Variants in TFF3 observed in about 807,000 individuals in gnomAD.
TFF3 encodes trefoil factor 3.
TFF3 carries 6 observed loss-of-function variants against 9.7 expected under a neutral mutation model. The ratio of observed to expected loss-of-function variants is 0.62; its 90% CI spans 0.34 to 1.22. The LOEUF is 1.22. Among genes scored for constraint, TFF3 ranks in the 50% most tolerant of loss-of-function variants. TFF3 has a pLI of 0.04. For synonymous variants in TFF3, 48 were observed against 41.4 expected (o/e 1.16, Z -0.61); for missense variants, 93 against 98.6 (o/e 0.94, Z 0.24).
chr21:42,315,204 A>G, intron 1 of TFF3, 89 bp downstream of exon 1: 2 of 1,481,964 alleles, frequency 1.3e-6, no homozygotes, highest in East Asian at 2.4e-5. Flanking sequence ...ACAGGTGGCC[A>G]TTATTAAATG....
chr21:42,312,013 C>T lies in TFF3; in HGVS notation c.*243G>A. 4.4e-6 allele frequency: 3 copies of T among 684,528 alleles called. No individual in the cohort carries two copies. The highest frequency in any genetic ancestry group is 8.1e-6 in the Non-Finnish European group (3 of 371,000). The allele number at this position is 684,528 out of a possible 1,614,324, so 42.4% of individuals were successfully genotyped here. On this transcript the variant is annotated 3_prime_UTR_variant, in exon 3 of 3. Coordinates refer to ENST00000518498, the MANE Select transcript of TFF3 (RefSeq NM_003226.4). ...CTCCCCTGACACCCTCCCGCCCTCT[C>T]CCACGACGCAGCAGAAATAAAGCAC...
At position 42,313,559 on chromosome 21, in the gene TFF3, C is replaced by A; in HGVS notation, c.155G>T (p.Cys52Phe). ...CGYPHVTPKE[C>F]NNRGCCFDSR... ...GTCAAAGCAGCAGCCCCGGTTGTTG[C>A]ACTCCTTGGGGGTGACATGGGGGTA... is the stretch of plus-strand genomic sequence containing the variant. The change falls in exon 2 of 3, where the codon TGC (cysteine) becomes TTC (phenylalanine). Residue 52 changes from cysteine (C) to phenylalanine (F), a missense_variant. Transcript: ENST00000518498. This position sits in a 1 kb window ranked among gnomAD's most constrained non-coding sequence, Gnocchi z 4.0. 2 of 1,611,266 alleles carry A rather than the reference C, an allele frequency of 1.2e-6. No individual in the cohort carries two copies. Among genetic ancestry groups the A allele is most frequent in the Non-Finnish European group, 1.7e-6 (2 of 1,179,602 alleles).
At position 42,313,615 on chromosome 21, in the gene TFF3, G is replaced by A. The variant is rs370506748; in HGVS notation, c.99C>T (p.Ala33=). ...AGTCCACCCTGTCCTTGGCTGGCAC[G>A]GCACACTGGTTTGCAGCTGTCCCAG... ...EYVGLSANQC[A]VPAKDRVDCG... is the part of the protein sequence containing the mutation. The change falls in exon 2 of 3, where the codon GCC becomes GCT. Residue 33 remains alanine, a synonymous_variant. Transcript: ENST00000518498. The surrounding 1 kb of genome is among the most constrained non-coding windows in gnomAD (Gnocchi z 4.0). 218 of 1,610,020 alleles carry A rather than the reference G, an allele frequency of 1.4e-4. No individual in the cohort carries two copies. Among genetic ancestry groups the A allele is most frequent in the Admixed American group, 2.0e-4 (12 of 59,726 alleles).
Position 42,312,240 on chromosome 21 carries a change from G to A in TFF3, c.*16C>T. 1 of 1,613,430 alleles carries A rather than the reference G, an allele frequency of 6.2e-7. No individual in the cohort carries two copies. Among genetic ancestry groups the A allele is most frequent in the Non-Finnish European group, 8.5e-7 (1 of 1,179,704 alleles). On this transcript the variant is annotated 3_prime_UTR_variant, in exon 3 of 3. Transcript: ENST00000518498. ...CCGAGCCTCGCATCCCCCGGCCGGGGGCAGCTGGAGGTGCCTCAGAAGGTG... is the reference window on the plus strand; with the variant it reads ...CCGAGCCTCGCATCCCCCGGCCGGGAGCAGCTGGAGGTGCCTCAGAAGGTG...
chr21:42,314,635 C>T (rs186305614), intron 1 of TFF3, among the ~76,000 whole-genome samples: 2 of 152,300 alleles, frequency 1.3e-5, no homozygotes, highest in East Asian at 3.9e-4. Flanking sequence ...CAGTGAGTGA[C>T]AAAGCAAGGC....
chr21:42,312,372 C>T (rs977653560), intron 2 of TFF3, 103 bp from the exon 3 acceptor site: 3 of 1,391,954 alleles, frequency 2.2e-6, no homozygotes, highest in Admixed American at 2.3e-5. Context: ...AGTGCTGCCT[C>T]CTCCCCAGAG....
Position 42,313,181 on chromosome 21 carries a change from C to G in TFF3, c.229+304G>C, listed in dbSNP as rs868069001. 6.6e-6 allele frequency among the ~76,000 whole-genome samples: 1 copy of G among 152,214 alleles called. No individual in the cohort carries two copies. The highest frequency in any genetic ancestry group is 1.5e-5 in the Non-Finnish European group (1 of 68,044). The stretch of plus-strand genomic sequence containing the variant: ...CAAAAGTCGGCCCGGCTTTCCACAC[C>G]TATGCGTTTCCACTTCTCTCAAGAA... On this transcript the variant is annotated intron_variant, in intron 2 of 2. Coordinates refer to ENST00000518498, the MANE Select transcript of TFF3 (RefSeq NM_003226.4). The surrounding 1 kb of genome is among the most constrained non-coding windows in gnomAD (Gnocchi z 4.0).
intron 1 of TFF3, among the ~76,000 whole-genome samples, chr21:42,314,662 A>G (rs907999462): frequency 3.9e-5 from 6 of 152,232 alleles, no homozygotes; most frequent in Non-Finnish European, 8.8e-5. Context: ...AAAACAAAAC[A>G]GCTGAGGCCT....
Position 42,311,927 on chromosome 21 carries a change from T to C in TFF3, c.*329A>G, listed in dbSNP as rs1375736241. On this transcript the variant is annotated 3_prime_UTR_variant, in exon 3 of 3. Transcript: ENST00000518498. Reference sequence around the variant, plus strand: ...TGGGTGCCAGTCTGGATTCAAAATATCCTTGCATGCACTGCAGCTCCTTAG... The same window carrying C: ...TGGGTGCCAGTCTGGATTCAAAATACCCTTGCATGCACTGCAGCTCCTTAG... The C allele has an allele frequency of 3.7e-6, 2 of 543,152 alleles. No homozygotes were observed. Among genetic ancestry groups the C allele is most frequent in the African/African-American group, 3.8e-5 (2 of 52,394 alleles). The allele number at this position is 543,152 out of a possible 1,614,324, so 33.6% of individuals were successfully genotyped here. A position where few individuals can be genotyped will look rare whatever the true frequency, so the allele number is the denominator to read the frequency against.
intron 2 of TFF3, 83 bp from the exon 3 acceptor site, chr21:42,312,352 G>A: frequency 1.3e-6 from 2 of 1,500,502 alleles, no homozygotes; most frequent in Non-Finnish European, 1.8e-6. Flanking sequence ...AGGCTCCAAG[G>A]CCAGCACCTA....
intron 1 of TFF3, among the ~76,000 whole-genome samples, chr21:42,314,048 A>G (rs981335857): frequency 6.6e-6 from 1 of 152,154 alleles, no homozygotes; most frequent in African/African-American, 2.4e-5. Flanking sequence ...GGCACACGCC[A>G]TAGAGATCAT....
intron 2 of TFF3, among the ~76,000 whole-genome samples, 172 bp from the exon 3 acceptor site, chr21:42,312,441 G>A (rs369016725): frequency 2.5e-4 from 38 of 152,336 alleles, no homozygotes; most frequent in African/African-American, 9.1e-4. Context: ...CCCACCTCGG[G>A]TTGCTAAGCA....
chr21:42,312,765 T>C (rs1250237418), intron 2 of TFF3, among the ~76,000 whole-genome samples: 1 of 152,160 alleles, frequency 6.6e-6, no homozygotes, highest in Non-Finnish European at 1.5e-5. Context: ...TGGATGCTGG[T>C]TCCAGGAAGG....
In TFF3 at chr21:42,313,737, C is replaced by A; in HGVS notation, c.83-106G>T. The A allele has an allele frequency of 1.5e-6, 2 of 1,319,074 alleles. No individual in the cohort carries two copies. Among genetic ancestry groups the A allele is most frequent in the South Asian group, 1.5e-5 (1 of 65,064 alleles). The allele number at this position is 1,319,074 out of a possible 1,614,324, so 81.7% of individuals were successfully genotyped here. On this transcript the variant is annotated intron_variant, in intron 1 of 2. Coordinates refer to ENST00000518498, the MANE Select transcript of TFF3 (RefSeq NM_003226.4). The surrounding 1 kb of genome is among the most constrained non-coding windows in gnomAD (Gnocchi z 4.0). ...CATCCTCCCGCTCCGCCCCACCCCG[C>A]CGAGTTCAACCACTGCTGAAACCCT...
At position 42,313,620 on chromosome 21, in the gene TFF3, A is replaced by G. The variant is rs1292476957; in HGVS notation, c.94T>C (p.Cys32Arg). 6.2e-7 allele frequency: 1 copy of G among 1,609,836 alleles called. No homozygotes were observed. The highest frequency in any genetic ancestry group is 8.5e-7 in the Non-Finnish European group (1 of 1,178,924). Residue 32 changes from cysteine to arginine, a missense_variant, in exon 2 of 3, where the codon TGT (cysteine) becomes CGT (arginine). Coordinates refer to ENST00000518498, the MANE Select transcript of TFF3 (RefSeq NM_003226.4). This position sits in a 1 kb window ranked among gnomAD's most constrained non-coding sequence, Gnocchi z 4.0. ...ACCCTGTCCTTGGCTGGCACGGCAC[A>G]CTGGTTTGCAGCTGTCCCAGACAAA... is the stretch of plus-strand genomic sequence containing the variant. ...EEYVGLSANQ[C>R]AVPAKDRVDC... is the part of the protein sequence containing the mutation.
chr21:42,313,725 C>G lies in TFF3; in HGVS notation c.83-94G>C. 7.1e-7 allele frequency: 1 copy of G among 1,401,976 alleles called. No individual in the cohort carries two copies. The highest frequency in any genetic ancestry group is 9.5e-7 in the Non-Finnish European group (1 of 1,055,924). The allele number at this position is 1,401,976 out of a possible 1,614,324, so 86.8% of individuals were successfully genotyped here. On this transcript the variant is annotated intron_variant, in intron 1 of 2. Coordinates refer to ENST00000518498, the MANE Select transcript of TFF3 (RefSeq NM_003226.4). The surrounding 1 kb of genome is among the most constrained non-coding windows in gnomAD (Gnocchi z 4.0). Reference sequence around the variant, plus strand: ...TTTGCAAGTTTGCATCCTCCCGCTCCGCCCCACCCCGCCGAGTTCAACCAC... The same window carrying G: ...TTTGCAAGTTTGCATCCTCCCGCTCGGCCCCACCCCGCCGAGTTCAACCAC...
chr21:42,312,590 C>G (rs2069336939), intron 2 of TFF3, among the ~76,000 whole-genome samples: 1 of 152,194 alleles, frequency 6.6e-6, no homozygotes. Flanking sequence ...AGACCCCTCT[C>G]TCTCCTGGCC....
In TFF3 at chr21:42,312,111, G is replaced by A. The variant is rs757517902; in HGVS notation, c.*145C>T. The stretch of plus-strand genomic sequence containing the variant: ...GGGACCTTTATTCGTTAAGACATCA[G>A]GCTCCAGATATGAACTTTCAGCAGA... On this transcript the variant is annotated 3_prime_UTR_variant, in exon 3 of 3. Coordinates refer to ENST00000518498, the MANE Select transcript of TFF3 (RefSeq NM_003226.4). The A allele has an allele frequency of 2.8e-6, 3 of 1,083,212 alleles. No homozygotes were observed. Among genetic ancestry groups the A allele is most frequent in the South Asian group, 2.5e-5 (2 of 79,854 alleles). The allele number at this position is 1,083,212 out of a possible 1,614,324, so 67.1% of individuals were successfully genotyped here.
chr21:42,313,407 C>G lies in TFF3; in HGVS notation c.229+78G>C, dbSNP rs927452886. 14 of 1,509,242 alleles carry G rather than the reference C, an allele frequency of 9.3e-6. No individual in the cohort carries two copies. The African/African-American group carries it at 1.7e-4, about 18-fold the overall frequency. 93.5% of individuals were successfully genotyped at this position (1,509,242 alleles called of 1,614,324 possible). A position where few individuals can be genotyped will look rare whatever the true frequency, so the allele number is the denominator to read the frequency against. On this transcript the variant is annotated intron_variant, in intron 2 of 2. Transcript: ENST00000518498. This position sits in a 1 kb window ranked among gnomAD's most constrained non-coding sequence, Gnocchi z 4.0. The stretch of plus-strand genomic sequence containing the variant: ...GGGGTCCTTGTGCCTCCATCTCCAG[C>G]CCAGAAAGGACAGGGAGGCCCTGAG...
Sources: gnomAD v4.1 joint callset for allele counts (sites outside exome capture counted in the v4.1 genomes callset) on GRCh38, gnomAD v4.1.1 for gene constraint, Gnocchi (gnomAD v3.1) non-coding constraint, MANE v1.5 for transcripts, NCBI Gene and HGNC (gene_info 2026-07-23, HGNC 2026-07-21) for gene names.